The following F3 variants were observed in gnomAD, a reference collection of about 807,000 sequenced individuals.
F3 encodes the protein tissue factor.
A neutral mutation model predicts 33.5 loss-of-function variants in F3; 18 were observed. That is an observed-to-expected ratio of 0.54 (90% confidence interval 0.37 to 0.80). The LOEUF (loss-of-function observed/expected upper bound fraction) is 0.80. Ranked by LOEUF, F3 falls within the 30% of genes least tolerant of loss-of-function variation. F3 has a pLI of 0.00. For synonymous variants in F3, 147 were observed against 140.7 expected, an observed-to-expected ratio of 1.05 and a Z score of -0.32; for missense variants, 353 against 362.1, an observed-to-expected ratio of 0.97 and a Z score of 0.20.
Position 94,541,526 on chromosome 1 carries a change from G to T in F3, c.100+11C>A. The T allele has an allele frequency of 6.8e-7, 1 of 1,481,002 alleles. No individual in the cohort carries two copies. Among genetic ancestry groups the T allele is most frequent in the East Asian group, 2.9e-5 (1 of 34,934 alleles). The allele number at this position is 1,481,002 out of a possible 1,614,324, so 91.7% of individuals were successfully genotyped here. On this transcript the variant is annotated intron_variant, in intron 1 of 5. Coordinates refer to ENST00000334047, the MANE Select transcript of F3 (RefSeq NM_001993.5). ...GCGCGCCCCGGGCTTCCAGGGGCTG[G>T]TGCCACTCACCTGAAGCGCCGGCCA...
chr1:94,540,146 G>C (rs559955789), intron 2 of F3, 111 bp downstream of exon 2: 8 of 755,492 alleles, frequency 1.1e-5, no homozygotes, highest in Non-Finnish European at 1.8e-5. Flanking sequence ...CTTCTTCTTC[G>C]TCATCTGTTA....
In F3 at chr1:94,530,370, A is replaced by C; in HGVS notation, c.*90T>G. On this transcript the variant is annotated 3_prime_UTR_variant, in exon 6 of 6. Transcript: ENST00000334047. ...CTCCAGGGTCTTCATGCTCCGAAAT[A>C]CTCATTTGCGTTTCCATGTATTCTA... The C allele has an allele frequency of 6.5e-7, 1 of 1,531,770 alleles. No individual in the cohort carries two copies. Among genetic ancestry groups the C allele is most frequent in the Non-Finnish European group, 8.9e-7 (1 of 1,124,518 alleles). The allele number at this position is 1,531,770 out of a possible 1,614,324, so 94.9% of individuals were successfully genotyped here. A position where few individuals can be genotyped will look rare whatever the true frequency, so the allele number is the denominator to read the frequency against.
chr1:94,531,198 T>C (rs1370787016), intron 5 of F3, among the ~76,000 whole-genome samples: 1 of 152,172 alleles, frequency 6.6e-6, no homozygotes, highest in Non-Finnish European at 1.5e-5. Context: ...AAACCTCTCC[T>C]GTCAGTGGCA....
chr1:94,537,506 T>C (rs1651638830), intron 2 of F3, among the ~76,000 whole-genome samples: 1 of 152,252 alleles, frequency 6.6e-6, no homozygotes, highest in Admixed American at 6.5e-5. Flanking sequence ...GAGGGCTGCA[T>C]GCCCTTGTGT....
chr1:94,537,080 G>C (rs1651629615), intron 2 of F3, among the ~76,000 whole-genome samples: 1 of 152,056 alleles, frequency 6.6e-6, no homozygotes, highest in Non-Finnish European at 1.5e-5. Context: ...TGCAAGATGT[G>C]AATCCATCCC....
Position 94,540,276 on chromosome 1 carries a change from C to T in F3, c.193G>A (p.Val65Ile). 6.2e-7 allele frequency: 1 copy of T among 1,612,688 alleles called. No homozygotes were observed. The highest frequency in any genetic ancestry group is 8.5e-7 in the Non-Finnish European group (1 of 1,178,936). ...GCTTACCTTATTTGAACAGTGTAGA[C>T]TTGATTGACGGGTTTGGGTTCCCAC... The part of the protein sequence containing the change: ...LEWEPKPVNQ[V>I]YTVQISTKSG... Residue 65 changes from valine to isoleucine, a missense_variant, in exon 2 of 6, where the codon GTC becomes ATC. By Grantham distance (29) the Val-to-Ile change is conservative (BLOSUM62 3). Transcript: ENST00000334047.
intron 3 of F3, 113 bp downstream of exon 3, chr1:94,535,852 T>C (rs1435879297): frequency 2.9e-6 from 3 of 1,017,198 alleles, no homozygotes; most frequent in Non-Finnish European, 4.4e-6. Context: ...TACCAGTTTC[T>C]GAGAAAAAAA....
At chr1:94,535,134 C>T (rs1184412308) in intron 3 of F3, among the ~76,000 whole-genome samples, 1 of 152,124 alleles carries the variant, frequency 6.6e-6, no homozygotes, top group East Asian at 1.9e-4. Flanking sequence ...TTCACCATTC[C>T]TACCTTGAGA....
chr1:94,539,797 G>T (rs1651719422), intron 2 of F3, among the ~76,000 whole-genome samples: 1 of 152,156 alleles, frequency 6.6e-6, no homozygotes, highest in Non-Finnish European at 1.5e-5. Context: ...TCGATTCATG[G>T]AGTCCAAAGA....
chr1:94,538,669 A>G (rs994764732), intron 2 of F3, among the ~76,000 whole-genome samples: 1 of 152,220 alleles, frequency 6.6e-6, no homozygotes, highest in African/African-American at 2.4e-5. Flanking sequence ...CAGTGTAGTC[A>G]TGAATAAATC....
intron 5 of F3, among the ~76,000 whole-genome samples, chr1:94,531,267 C>T (rs1214485981): frequency 1.3e-5 from 2 of 151,128 alleles, no homozygotes; most frequent in Non-Finnish European, 2.9e-5. Context: ...ATCATCTTCA[C>T]ATGGAGCTAA....
In F3 at chr1:94,533,150, A is replaced by G. The variant is rs1461237110; in HGVS notation, c.531T>C (p.Asp177=). 3.1e-6 allele frequency: 5 copies of G among 1,613,746 alleles called. No homozygotes were observed. The highest frequency in any genetic ancestry group is 4.2e-6 in the Non-Finnish European group (5 of 1,179,952). ...TATAAATTAAGTCCTTGCCAAAAAC[A>G]TCCCGGAGGCTTAGGAAAGTGTTGT... ...RRNNTFLSLR[D]VFGKDLIYTL... is the part of the protein sequence containing the mutation. Residue 177 remains aspartate, a synonymous_variant, in exon 4 of 6, where the codon GAT becomes GAC. Coordinates refer to ENST00000334047, the MANE Select transcript of F3 (RefSeq NM_001993.5).
At chr1:94,536,629 T>C (rs1182295422) in intron 2 of F3, among the ~76,000 whole-genome samples, 1 of 152,196 alleles carries the variant, frequency 6.6e-6, no homozygotes, top group African/African-American at 2.4e-5. Context: ...AATATCTTTC[T>C]TTTAGAATGT....
At chr1:94,540,145 C>T in intron 2 of F3, 112 bp downstream of exon 2, 5 of 751,630 alleles carry the variant, frequency 6.7e-6, no homozygotes, top group South Asian at 4.9e-5. Flanking sequence ...CCTTCTTCTT[C>T]GTCATCTGTT....
At chr1:94,532,198 G>GA in intron 5 of F3, 123 bp downstream of exon 5, 2 of 918,952 alleles carry the variant, frequency 2.2e-6, no homozygotes, top group Non-Finnish European at 3.2e-6. Context: ...AAACCTCCAG[G>GA]CAGTTTGTTT....
chr1:94,535,820 G>A (rs1651586201), intron 3 of F3, 145 bp downstream of exon 3: 2 of 720,062 alleles, frequency 2.8e-6, no homozygotes, highest in East Asian at 5.3e-5. Context: ...CATCTGGAAT[G>A]TGTGAAGAGG....
At chr1:94,532,221 A>T in intron 5 of F3, 100 bp downstream of exon 5, 1 of 1,176,046 alleles carries the variant, frequency 8.5e-7, no homozygotes, top group Non-Finnish European at 1.2e-6. Context: ...CTGAATATTT[A>T]ACCAAGGAAG....
At chr1:94,540,608 T>C in intron 1 of F3, 1 of 433,942 alleles carries the variant, frequency 2.3e-6, no homozygotes, top group Admixed American at 4.0e-5. Flanking sequence ...ATCTTGACAT[T>C]TTCGTTTGAA....
chr1:94,531,006 T>C (rs1197268388), intron 5 of F3, among the ~76,000 whole-genome samples: 1 of 152,138 alleles, frequency 6.6e-6, no homozygotes, highest in East Asian at 1.9e-4. Context: ...GTTGGTGCAG[T>C]AGCAAGGCCT....
Sources: allele counts gnomAD v4.1 joint callset (sites outside exome capture counted in the v4.1 genomes callset), GRCh38; gene constraint gnomAD v4.1.1; transcripts MANE v1.5; gene names NCBI Gene and HGNC (gene_info 2026-07-23, HGNC 2026-07-21).